Variants in TTC28 observed in about 807,000 individuals in gnomAD.
TTC28 encodes tetratricopeptide repeat protein 28.
TTC28 carries 61 observed loss-of-function variants against 198.0 expected under a neutral mutation model. That is an observed-to-expected ratio of 0.31 (90% CI 0.25 to 0.38). The LOEUF (loss-of-function observed/expected upper bound fraction) is 0.38. Among genes scored for constraint, TTC28 ranks in the 10% least tolerant of loss-of-function variants. The probability of loss-of-function intolerance (pLI) is 1.00; values close to 1 mark genes in which losing one functional copy is unlikely to be tolerated. For synonymous variants in TTC28, 1,171 were observed against 1,297.8 expected, an observed-to-expected ratio of 0.90 and a Z score of 2.10; for missense variants, 2,678 against 3,164.0, an observed-to-expected ratio of 0.85 and a Z score of 3.69.
At chr22:28,188,128 A>T (rs1924381425) in intron 5 of TTC28, among the ~76,000 whole-genome samples, 1 of 152,182 alleles carries the variant, frequency 6.6e-6, no homozygotes, top group South Asian at 2.1e-4. Context: ...AGTGCAAGAG[A>T]CTTCCAGGTA....
chr22:28,582,251 G>A (rs2042141457), intron 2 of TTC28, among the ~76,000 whole-genome samples: 1 of 152,040 alleles, frequency 6.6e-6, no homozygotes, highest in Non-Finnish European at 1.5e-5. Context: ...CCAAAACGCA[G>A]AAGCAAAAAT....
chr22:27,982,708 G>A lies in TTC28; in HGVS notation c.6959C>T (p.Pro2320Leu). 1 of 1,551,626 alleles carries A rather than the reference G, an allele frequency of 6.4e-7. No individual in the cohort carries two copies. Residue 2320 changes from proline (P) to leucine (L), a missense_variant, in exon 23 of 23, where the codon CCC (proline) becomes CTC (leucine). By Grantham distance (98) the Pro-to-Leu change is moderately conservative. Coordinates refer to ENST00000397906, the MANE Select transcript of TTC28 (RefSeq NM_001145418.2). This position sits in a 1 kb window ranked among gnomAD's most constrained non-coding sequence, Gnocchi z 5.2. ...SGHQSPAGSA[P>L]SPALSYSSAG... Reference sequence around the variant, plus strand: ...TGAGGAGTAGGAGAGAGCTGGGGAGGGTGCACTGCCAGCAGGAGACTGGTG... The same window carrying A: ...TGAGGAGTAGGAGAGAGCTGGGGAGAGTGCACTGCCAGCAGGAGACTGGTG...
intron 15 of TTC28, 112 bp downstream of exon 15, chr22:28,001,260 CTT>C (rs1396802800): frequency 2.2e-6 from 3 of 1,335,470 alleles, no homozygotes; most frequent in Non-Finnish European, 3.0e-6. Context: ...AAAATCAACA[CTT>C]TTGAGGAGAT....
chr22:28,640,208 C>T (rs908241494), intron 1 of TTC28, among the ~76,000 whole-genome samples: 4 of 149,138 alleles, frequency 2.7e-5, no homozygotes, highest in African/African-American at 5.0e-5. Context: ...TGTGGTGAAC[C>T]GTGATCACAC....
chr22:28,205,223 G>A (rs934096647), intron 5 of TTC28, among the ~76,000 whole-genome samples: 1 of 151,942 alleles, frequency 6.6e-6, no homozygotes, highest in Non-Finnish European at 1.5e-5. Flanking sequence ...CACACACACA[G>A]AGACCGGGGG....
At chr22:28,064,670 A>G (rs1940684818) in intron 12 of TTC28, among the ~76,000 whole-genome samples, 1 of 152,186 alleles carries the variant, frequency 6.6e-6, no homozygotes, top group Non-Finnish European at 1.5e-5. Flanking sequence ...AAATAACATC[A>G]TACTTTCAGC....
At chr22:28,527,112 A>AC (rs913504538) in intron 2 of TTC28, among the ~76,000 whole-genome samples, 1 of 152,144 alleles carries the variant, frequency 6.6e-6, no homozygotes, top group Non-Finnish European at 1.5e-5. Flanking sequence ...ATATGAGGAC[A>AC]CCAGTGGCAC....
chr22:28,085,882 C>T (rs1389292047), intron 12 of TTC28, among the ~76,000 whole-genome samples: 2 of 152,084 alleles, frequency 1.3e-5, no homozygotes, highest in Non-Finnish European at 2.9e-5. Flanking sequence ...ATAAAACAGA[C>T]TTTAAACCAA....
At chr22:28,228,251 T>C (rs1928500324) in intron 5 of TTC28, among the ~76,000 whole-genome samples, 2 of 152,034 alleles carry the variant, frequency 1.3e-5, no homozygotes, top group African/African-American at 4.8e-5. Flanking sequence ...AGGCACAAAA[T>C]TCAAGTTGGG....
intron 5 of TTC28, among the ~76,000 whole-genome samples, chr22:28,293,109 G>A (rs999192857): frequency 5.3e-5 from 8 of 152,116 alleles, no homozygotes; most frequent in Non-Finnish European, 1.0e-4. Context: ...AACATGGGCA[G>A]GTAAGAAGCA....
intron 2 of TTC28, among the ~76,000 whole-genome samples, chr22:28,492,463 A>C (rs928020379): frequency 4.6e-5 from 7 of 152,202 alleles, no homozygotes; most frequent in African/African-American, 1.7e-4. Context: ...ACAAACTCTA[A>C]AAATAAAATG....
chr22:28,615,327 T>TAGGA (rs2050886173), intron 2 of TTC28, among the ~76,000 whole-genome samples: 1 of 152,060 alleles, frequency 6.6e-6, no homozygotes. Context: ...TGTGGAGAAA[T>TAGGA]AGGAACACTT....
intron 13 of TTC28, chr22:28,029,170 G>C: frequency 2.1e-6 from 1 of 466,668 alleles, no homozygotes; most frequent in South Asian, 1.6e-5. Context: ...TGGGAAGAAG[G>C]AACTAAGGGT....
intron 2 of TTC28, among the ~76,000 whole-genome samples, chr22:28,610,740 T>C (rs973639491): frequency 8.7e-4 from 132 of 152,210 alleles, no homozygotes; most frequent in African/African-American, 3.0e-3. Context: ...TTGACAGAAG[T>C]AGGCTTCAGA....
chr22:28,416,941 C>T (rs1300185551), intron 2 of TTC28, among the ~76,000 whole-genome samples: 2 of 152,132 alleles, frequency 1.3e-5, no homozygotes, highest in Non-Finnish European at 2.9e-5. Flanking sequence ...CATAGCATAT[C>T]CATAATATTA....
chr22:28,362,412 T>G (rs1458571693), intron 2 of TTC28, among the ~76,000 whole-genome samples: 1 of 136,776 alleles, frequency 7.3e-6, no homozygotes, highest in African/African-American at 3.0e-5. Context: ...TTGAACCTCT[T>G]TCTTTTGTAA....
At chr22:28,390,249 A>T (rs1055164337) in intron 2 of TTC28, among the ~76,000 whole-genome samples, 172 of 151,754 alleles carry the variant, frequency 1.1e-3, no homozygotes, top group African/African-American at 3.9e-3. Flanking sequence ...TGCTGAGGAG[A>T]GCTTTACTTC....
At chr22:28,624,947 T>A (rs2051055594) in intron 2 of TTC28, among the ~76,000 whole-genome samples, 1 of 152,174 alleles carries the variant, frequency 6.6e-6, no homozygotes, top group South Asian at 2.1e-4. Context: ...GTTGATTTAA[T>A]ATCCCCAAAT....
chr22:28,314,445 G>A (rs779200331), intron 2 of TTC28, among the ~76,000 whole-genome samples: 9 of 152,102 alleles, frequency 5.9e-5, no homozygotes, highest in African/African-American at 1.7e-4. Flanking sequence ...GAGGCATCAC[G>A]CTTCCTGACT....
Sources: gnomAD v4.1 joint callset for allele counts (sites outside exome capture counted in the v4.1 genomes callset) on GRCh38, gnomAD v4.1.1 for gene constraint, Gnocchi (gnomAD v3.1) non-coding constraint, MANE v1.5 for transcripts, NCBI Gene and HGNC (gene_info 2026-07-23, HGNC 2026-07-21) for gene names.